Variants in GRIP2 observed in about 807,000 individuals in gnomAD.
GRIP2 encodes the protein glutamate receptor interacting protein 2.
GRIP2 carries 58 observed loss-of-function variants against 108.3 expected under a neutral mutation model. The observed-to-expected ratio is 0.54, with a 90% confidence interval of 0.43 to 0.67. GRIP2 has a LOEUF of 0.67. GRIP2 is among the 30% of genes least tolerant of loss of function. GRIP2 has a pLI of 0.00. For synonymous variants in GRIP2, 586 were observed against 598.2 expected (o/e 0.98, Z 0.30); for missense variants, 1,278 against 1,430.6 (o/e 0.89, Z 1.72).
the GRIP2 span, among the ~76,000 whole-genome samples, chr3:14,584,580 T>A: frequency 6.6e-6 from 1 of 152,092 alleles, no homozygotes; most frequent in Admixed American, 6.5e-5. Context: ...AAAACACGTG[T>A]CCAGTGGGAG....
chr3:14,515,048 G>T (rs1427288222), intron 11 of GRIP2, among the ~76,000 whole-genome samples: 2 of 152,298 alleles, frequency 1.3e-5, no homozygotes, highest in South Asian at 2.1e-4. Context: ...TTTCATCTCT[G>T]CATTTGCCTG....
intron 11 of GRIP2, among the ~76,000 whole-genome samples, chr3:14,515,415 A>T (rs1365294059): frequency 1.3e-5 from 2 of 152,156 alleles, no homozygotes; most frequent in East Asian, 3.8e-4. Flanking sequence ...TTGATACATA[A>T]GGTTATTTAA....
intron 10 of GRIP2, among the ~76,000 whole-genome samples, 175 bp from the exon 11 acceptor site, chr3:14,517,388 A>G (rs957116817): frequency 6.7e-6 from 1 of 149,672 alleles, no homozygotes; most frequent in Non-Finnish European, 1.5e-5. Context: ...GGTCTCAAAG[A>G]CTGCAGGGTT....
chr3:14,567,175 T>C, the GRIP2 span, among the ~76,000 whole-genome samples: 3 of 152,192 alleles, frequency 2.0e-5, no homozygotes, highest in Non-Finnish European at 4.4e-5. Context: ...CAGATTCTTA[T>C]GCAACTCACT....
At chr3:14,585,634 G>C in the GRIP2 span, among the ~76,000 whole-genome samples, 1 of 152,182 alleles carries the variant, frequency 6.6e-6, no homozygotes, top group African/African-American at 2.4e-5. Context: ...GGAGACCAGA[G>C]AGCAGCTCCA....
the GRIP2 span, among the ~76,000 whole-genome samples, chr3:14,589,782 T>C: frequency 6.7e-6 from 1 of 149,054 alleles, no homozygotes; most frequent in South Asian, 2.1e-4. Context: ...GACTACACTT[T>C]TTTTTTTTTT....
In GRIP2 at chr3:14,511,216, G is replaced by C; in HGVS notation, c.1882C>G (p.Gln628Glu). The change falls in exon 16 of 24, where the codon CAG (glutamine) becomes GAG (glutamate). Residue 628 changes from glutamine to glutamate, a missense_variant. Physicochemically the swap from Gln to Glu is conservative, Grantham distance 29. Transcript: ENST00000621039. This position sits in a 1 kb window ranked among gnomAD's most constrained non-coding sequence, Gnocchi z 4.1. The stretch of plus-strand genomic sequence containing the variant: ...TTCAGCTTCACCAGGTCCTCGCACT[G>C]CCGCAGGATTTGCACGGCGTCCTCC... ...PMEDAVQILRQCEDLVKLKIR... is the reference protein window; with the variant it reads ...PMEDAVQILRECEDLVKLKIR... 1.2e-6 allele frequency: 2 copies of C among 1,614,020 alleles called. No homozygotes were observed. The highest frequency in any genetic ancestry group is 1.7e-6 in the Non-Finnish European group (2 of 1,179,896).
In GRIP2 at chr3:14,505,190, C is replaced by G. The variant is rs1044172276; in HGVS notation, c.2573+425G>C. On this transcript the variant is annotated intron_variant, in intron 20 of 23. Coordinates refer to ENST00000621039, the MANE Select transcript of GRIP2 (RefSeq NM_001080423.4). This position sits in a 1 kb window ranked among gnomAD's most constrained non-coding sequence, Gnocchi z 4.2. ...GATGAGGAACAGCATTTCTCCACAG[C>G]CTGCTCTCTGCAGGAGCCTTCTCCA... 1.3e-5 allele frequency among the ~76,000 whole-genome samples: 2 copies of G among 152,188 alleles called. No homozygotes were observed. The highest frequency in any genetic ancestry group is 2.9e-5 in the Non-Finnish European group (2 of 68,028).
upstream of GRIP2, chr3:14,542,059 T>C: frequency 7.4e-7 from 1 of 1,351,150 alleles, no homozygotes; most frequent in Non-Finnish European, 9.9e-7. Context: ...TACAGCCTCT[T>C]CAGTCAGGGA....
chr3:14,574,423 C>T, the GRIP2 span: 3 of 728,312 alleles, frequency 4.1e-6, no homozygotes, highest in African/African-American at 5.2e-5. Flanking sequence ...TGCGAGGCTG[C>T]GGTGTCTTCC....
At position 14,516,045 on chromosome 3, in the gene GRIP2, C is replaced by T. The variant is rs186018081; in HGVS notation, c.1306+1019G>A. Among the ~76,000 whole-genome samples the T allele has an allele frequency of 6.6e-4, 101 of 152,138 alleles. 2 individuals carry two copies. The East Asian group carries it at 0.014, about 22-fold the overall frequency. On this transcript the variant is annotated intron_variant, in intron 11 of 23. Coordinates refer to ENST00000621039, the MANE Select transcript of GRIP2 (RefSeq NM_001080423.4). ...ACTATCAACAGCAATAATGATAGTA[C>T]TTTCTTAGTTACACATCCCAGGAAG...
At chr3:14,588,338 G>A in the GRIP2 span, among the ~76,000 whole-genome samples, 1 of 152,124 alleles carries the variant, frequency 6.6e-6, no homozygotes, top group African/African-American at 2.4e-5. Flanking sequence ...GAGGAACCCC[G>A]GCCTCCCCTG....
intron 1 of GRIP2, among the ~76,000 whole-genome samples, chr3:14,552,546 G>T (rs916332197): frequency 6.6e-6 from 1 of 151,960 alleles, no homozygotes; most frequent in African/African-American, 2.4e-5. Context: ...CTCCTGCCTG[G>T]GTCCCACCCA....
At chr3:14,503,230 T>G (rs1693813981) in intron 21 of GRIP2, among the ~76,000 whole-genome samples, 2 of 151,102 alleles carry the variant, frequency 1.3e-5, no homozygotes, top group African/African-American at 4.9e-5. Flanking sequence ...CGGACACACA[T>G]GTTCTGAAAT....
rs1694364009 is a variant in GRIP2 at position 14,520,149 on chromosome 3, C to T, written c.991G>A (p.Val331Met). The change falls in exon 9 of 24, where the codon GTG becomes ATG. Residue 331 changes from valine to methionine, a missense_variant. By Grantham distance (21) the Val-to-Met change is conservative. Coordinates refer to ENST00000621039, the MANE Select transcript of GRIP2 (RefSeq NM_001080423.4). ...CTCAGTGGCCGCTGACTCTGGGGCA[C>T]AGGCAGGATCTCCAGCCGCACCTTC... The part of the protein sequence containing the change: ...SEKVRLEILP[V>M]PQSQRPLRPS... 6.2e-7 allele frequency: 1 copy of T among 1,609,810 alleles called. No homozygotes were observed. Among genetic ancestry groups the T allele is most frequent in the Admixed American group, 1.7e-5 (1 of 59,588 alleles).
chr3:14,575,412 G>A, the GRIP2 span, among the ~76,000 whole-genome samples: 3 of 152,320 alleles, frequency 2.0e-5, no homozygotes, highest in African/African-American at 7.2e-5. Context: ...GAATCCAGAA[G>A]CCAGCCTCAA....
At chr3:14,498,587 T>A (rs1192429695) in intron 21 of GRIP2, among the ~76,000 whole-genome samples, 2 of 148,992 alleles carry the variant, frequency 1.3e-5, no homozygotes, top group East Asian at 4.0e-4. Flanking sequence ...GAAGTGATCT[T>A]CACCTGCCTG....
At position 14,511,815 on chromosome 3, in the gene GRIP2, G is replaced by A. The variant is rs1251138431; in HGVS notation, c.1721-336C>T. ...GCAAACTGCGAGCTCTTTGTGGAGG[G>A]GGGCTGTCTGCTTGGTGTCTGTGTC... On this transcript the variant is annotated intron_variant, in intron 14 of 23. Transcript: ENST00000621039. The surrounding 1 kb of genome is among the most constrained non-coding windows in gnomAD (Gnocchi z 4.1). Among the ~76,000 whole-genome samples, 1 of 152,182 alleles carries A rather than the reference G, an allele frequency of 6.6e-6. No homozygotes were observed. Among genetic ancestry groups the A allele is most frequent in the Non-Finnish European group, 1.5e-5 (1 of 68,036 alleles).
chr3:14,526,189 T>A (rs1694550058), intron 1 of GRIP2, among the ~76,000 whole-genome samples: 3 of 152,226 alleles, frequency 2.0e-5, no homozygotes, highest in Admixed American at 2.0e-4. Flanking sequence ...CATTCTGTGG[T>A]TCACTGTCTC....
Sources: allele counts gnomAD v4.1 joint callset (sites outside exome capture counted in the v4.1 genomes callset), GRCh38; gene constraint gnomAD v4.1.1; non-coding constraint Gnocchi (gnomAD v3.1); transcripts MANE v1.5; gene names NCBI Gene and HGNC (gene_info 2026-07-23, HGNC 2026-07-21).